DOCK6: variants seen among roughly 807,000 people sequenced by gnomAD.
The protein encoded by DOCK6 is dedicator of cytokinesis 6, also known as dedicator of cytokinesis protein 6.
In DOCK6, 167 loss-of-function variants were observed where a neutral mutation model predicts 230.3. The observed-to-expected ratio is 0.73, with a 90% CI of 0.64 to 0.82. The LOEUF is 0.82. Among genes scored for constraint, DOCK6 ranks in the 40% least tolerant of loss-of-function variants. The pLI, the probability that DOCK6 is intolerant of heterozygous loss-of-function variation, is 0.00. For synonymous variants in DOCK6, 1,148 were observed against 1,185.0 expected, an observed-to-expected ratio of 0.97 and a Z score of 0.64; for missense variants, 2,598 against 2,825.8, an observed-to-expected ratio of 0.92 and a Z score of 1.83.
In DOCK6 at chr19:11,243,355, C is replaced by CGGCG; in HGVS notation, c.1285_1288dup (p.Arg430ProfsTer11). ...ACTCGCCCGGTCCTGGGGCCCCCGA[C>CGGCG]GGCGGCGGTCTGTCCAGGCTGGCCG... On this transcript the variant is annotated frameshift_variant, in exon 12 of 48. Transcript: ENST00000294618. LOFTEE classifies it high-confidence loss of function. The surrounding 1 kb of genome is among the most constrained non-coding windows in gnomAD (Gnocchi z 6.3). 1 of 1,600,394 alleles carries CGGCG rather than the reference C, an allele frequency of 6.2e-7. No homozygotes were observed. Among genetic ancestry groups the CGGCG allele is most frequent in the East Asian group, 2.3e-5 (1 of 44,214 alleles).
Position 11,222,226 on chromosome 19 carries a change from G to A in DOCK6, c.3263C>T (p.Ala1088Val). 2 of 1,602,908 alleles carry A rather than the reference G, an allele frequency of 1.2e-6. No individual in the cohort carries two copies. The highest frequency in any genetic ancestry group is 1.7e-6 in the Non-Finnish European group (2 of 1,174,994). The change falls in exon 27 of 48, where the codon GCC (alanine) becomes GTC (valine). Residue 1088 changes from alanine (A) to valine (V), a missense_variant. Transcript: ENST00000294618. The surrounding 1 kb of genome is among the most constrained non-coding windows in gnomAD (Gnocchi z 4.0). The part of the protein sequence containing the change: ...TSQSSTFSSQ[A>V]PDPKVTSMFE... ...CATGCTGGTCACCTTGGGGTCCGGG[G>A]CTTGGCTGGAGAAGGTGGAGCTCTG...
chr19:11,245,782 G>T, intron 8 of DOCK6, 30 bp downstream of exon 8: 1 of 1,594,304 alleles, frequency 6.3e-7, no homozygotes, highest in East Asian at 2.3e-5. Flanking sequence ...GGAGAAGGAA[G>T]GGGAGGAAAG....
chr19:11,249,755 G>A (rs1308921237), intron 6 of DOCK6, among the ~76,000 whole-genome samples: 4 of 148,654 alleles, frequency 2.7e-5, no homozygotes, highest in South Asian at 2.1e-4. Flanking sequence ...AAAATTAGCC[G>A]GGCGTGGTGG....
chr19:11,200,427 C>T lies in DOCK6; in HGVS notation c.5982G>A (p.Pro1994=), dbSNP rs373712482. Residue 1994 remains proline, a synonymous_variant, in exon 47 of 48, where the codon CCG becomes CCA. Coordinates refer to ENST00000294618, the MANE Select transcript of DOCK6 (RefSeq NM_020812.4). This position sits in a 1 kb window ranked among gnomAD's most constrained non-coding sequence, Gnocchi z 4.3. The part of the protein sequence containing the change: ...ALRKNKALIG[P]DQKEYHRELE... ...GCTCACGGTGGTACTCCTTCTGGTC[C>T]GGCCCAATCAGGGCCTTATTTTTCC... 133 of 1,610,900 alleles carry T rather than the reference C, an allele frequency of 8.3e-5. No homozygotes were observed. The highest frequency in any genetic ancestry group is 3.3e-4 in the Middle Eastern group (2 of 6,078).
intron 9 of DOCK6, among the ~76,000 whole-genome samples, chr19:11,244,508 G>C (rs1303134340): frequency 8.2e-6 from 1 of 121,458 alleles, no homozygotes; most frequent in African/African-American, 3.3e-5. Context: ...TCACCCAGAC[G>C]GAAGTGCAAT....
chr19:11,248,038 A>C, intron 7 of DOCK6, 28 bp downstream of exon 7: 1 of 1,595,606 alleles, frequency 6.3e-7, no homozygotes, highest in Non-Finnish European at 8.6e-7. Context: ...TCACGCATCT[A>C]AGAAGAGAGA....
chr19:11,223,148 A>C, intron 24 of DOCK6, 42 bp from the exon 25 acceptor site: 8 of 1,580,630 alleles, frequency 5.1e-6, no homozygotes, highest in Non-Finnish European at 5.2e-6. Flanking sequence ...CCCAAACCTC[A>C]GCCCCGACAG....
intron 14 of DOCK6, chr19:11,241,561 C>G (rs2079944742): frequency 1.4e-5 from 22 of 1,554,002 alleles, no homozygotes; most frequent in Non-Finnish European, 1.9e-5. Flanking sequence ...AGAGGTGAGC[C>G]TGGCAGGGGT....
rs1599238937 is a variant in DOCK6, at chr19:11,227,354, T to C, written c.2938A>G (p.Ile980Val). The C allele has an allele frequency of 2.5e-6, 4 of 1,613,842 alleles. No homozygotes were observed. The highest frequency in any genetic ancestry group is 2.2e-5 in the South Asian group (2 of 91,076). The change falls in exon 24 of 48, where the codon ATC becomes GTC. Residue 980 changes from isoleucine (I) to valine (V), a missense_variant. Transcript: ENST00000294618. Reference sequence around the variant, plus strand: ...TCTCTCACCTTGTGGACACGGGTGATGACCTCCAGGCCCACAGAGCCCACC... The same window carrying C: ...TCTCTCACCTTGTGGACACGGGTGACGACCTCCAGGCCCACAGAGCCCACC... Reference protein sequence around the residue: ...ALVGSVGLEVITRVHKDVELA... With the variant: ...ALVGSVGLEVVTRVHKDVELA...
intron 28 of DOCK6, among the ~76,000 whole-genome samples, chr19:11,217,757 CAAAAA>C (rs764367133): frequency 1.1e-5 from 1 of 89,510 alleles, no homozygotes. Flanking sequence ...CACTCTGTCT[CAAAAA>C]AAAAAAAAAA....
In DOCK6 at chr19:11,252,826, G is replaced by A; in HGVS notation, c.265C>T (p.Pro89Ser). 1 of 1,613,510 alleles carries A rather than the reference G, an allele frequency of 6.2e-7. No homozygotes were observed. Among genetic ancestry groups the A allele is most frequent in the Non-Finnish European group, 8.5e-7 (1 of 1,179,678 alleles). Residue 89 changes from proline to serine, a missense_variant, in exon 3 of 48, where the codon CCC (proline) becomes TCC (serine). Coordinates refer to ENST00000294618, the MANE Select transcript of DOCK6 (RefSeq NM_020812.4). Reference protein sequence around the residue: ...PADDLELLLQPRECRTTEPGI... With the variant: ...PADDLELLLQSRECRTTEPGI... ...GGCTCCGTGGTCCGGCATTCCCGGG[G>A]CTGCAGCAGCAGCTCCAAGTCATCA...
chr19:11,215,118 A>G (rs2079460664), intron 32 of DOCK6, among the ~76,000 whole-genome samples: 1 of 151,790 alleles, frequency 6.6e-6, no homozygotes, highest in Admixed American at 6.6e-5. Context: ...TATTTTTTAT[A>G]TATTTTTTAG....
intron 28 of DOCK6, among the ~76,000 whole-genome samples, chr19:11,218,927 G>C (rs539061281): frequency 7.3e-6 from 1 of 136,672 alleles, no homozygotes; most frequent in East Asian, 2.1e-4. Flanking sequence ...TGCCCAGGCT[G>C]GAGTGCAGTA....
chr19:11,224,046 A>AGT (rs911617196), intron 24 of DOCK6, among the ~76,000 whole-genome samples: 159 of 151,830 alleles, frequency 1.0e-3, no homozygotes, highest in African/African-American at 3.1e-3. Flanking sequence ...AACTCAATCC[A>AGT]GTGTGTGTGT....
At chr19:11,237,336 G>A (rs2079864411) in intron 18 of DOCK6, 120 bp downstream of exon 18, 4 of 1,020,738 alleles carry the variant, frequency 3.9e-6, no homozygotes, top group Non-Finnish European at 6.0e-6. Flanking sequence ...GCTACACGGG[G>A]GCCCTGGAGG....
chr19:11,253,833 C>T (rs2080159997), intron 1 of DOCK6, 107 bp from the exon 2 acceptor site: 7 of 797,928 alleles, frequency 8.8e-6, no homozygotes, highest in African/African-American at 1.9e-5. Context: ...ATAAATAGGC[C>T]GAGGGCCAAG....
intron 24 of DOCK6, among the ~76,000 whole-genome samples, chr19:11,224,162 T>G (rs1159067761): frequency 6.6e-6 from 1 of 151,228 alleles, no homozygotes; most frequent in Non-Finnish European, 1.5e-5. Flanking sequence ...GTTTTGCAAT[T>G]ACTTTCAATG....
chr19:11,214,710 G>A, intron 32 of DOCK6, 61 bp from the exon 33 acceptor site: 1 of 1,511,074 alleles, frequency 6.6e-7, no homozygotes, highest in African/African-American at 1.4e-5. Flanking sequence ...CCATGGCTGA[G>A]CTCTCTCCTT....
intron 35 of DOCK6, 94 bp downstream of exon 35, chr19:11,213,082 T>G: frequency 6.8e-7 from 1 of 1,479,970 alleles, no homozygotes; most frequent in Non-Finnish European, 9.1e-7. Flanking sequence ...GCTCAATGAC[T>G]GTCTCCCCCT....
Sources: gnomAD v4.1 joint callset for allele counts (sites outside exome capture counted in the v4.1 genomes callset) on GRCh38, gnomAD v4.1.1 for gene constraint, Gnocchi (gnomAD v3.1) non-coding constraint, MANE v1.5 for transcripts, NCBI Gene and HGNC (gene_info 2026-07-23, HGNC 2026-07-21) for gene names.